TGFBI: variants seen among roughly 807,000 people sequenced by gnomAD.
TGFBI encodes transforming growth factor beta induced.
A neutral mutation model predicts 73.7 loss-of-function variants in TGFBI; 50 were observed. The observed-to-expected ratio is 0.68, with a 90% CI of 0.54 to 0.86. The LOEUF (loss-of-function observed/expected upper bound fraction) is 0.86, where lower values mean the gene tolerates loss of function less well. TGFBI is among the 40% of genes least tolerant of loss of function. The pLI, the probability that TGFBI is intolerant of heterozygous loss-of-function variation, is 0.00. For synonymous variants in TGFBI, 362 were observed against 360.5 expected, an observed-to-expected ratio of 1.00 and a Z score of -0.05; for missense variants, 839 against 877.0, an observed-to-expected ratio of 0.96 and a Z score of 0.55.
At chr5:136,060,503 G>A (rs970632605) in intron 13 of TGFBI, among the ~76,000 whole-genome samples, 6 of 152,202 alleles carry the variant, frequency 3.9e-5, no homozygotes, top group Admixed American at 2.0e-4. Flanking sequence ...CTGAGGTCAG[G>A]AGTTCAAGTC....
At chr5:136,043,008 A>G (rs1193443973) in intron 2 of TGFBI, among the ~76,000 whole-genome samples, 3 of 152,156 alleles carry the variant, frequency 2.0e-5, no homozygotes, top group Non-Finnish European at 4.4e-5. Context: ...TCCCACAGTG[A>G]GCAGTTCTGC....
chr5:136,062,574 G>C (rs1751766484), intron 15 of TGFBI, 89 bp from the exon 16 acceptor site: 1 of 1,364,808 alleles, frequency 7.3e-7, no homozygotes, highest in African/African-American at 1.4e-5. Context: ...TTTTTTCTGA[G>C]TAGGGGTGGC....
In TGFBI at chr5:136,029,168, G is replaced by A. The variant is rs1380269233; in HGVS notation, c.113G>A (p.Arg38Lys). ...TACCAGCTGGTGCTGCAGCACAGCA[G>A]GCTCCGGGGCCGCCAGCACGGGTAA... is the stretch of plus-strand genomic sequence containing the variant. The part of the protein sequence containing the change: ...SPYQLVLQHS[R>K]LRGRQHGPNV... Residue 38 changes from arginine (R) to lysine (K), a missense_variant, in exon 1 of 17, where the codon AGG (arginine) becomes AAG (lysine). Arg to Lys is a conservative substitution (Grantham distance 26). Coordinates refer to ENST00000442011, the MANE Select transcript of TGFBI (RefSeq NM_000358.3). 9 of 1,513,590 alleles carry A rather than the reference G, an allele frequency of 5.9e-6. No homozygotes were observed. Among genetic ancestry groups the A allele is most frequent in the East Asian group, 2.6e-5 (1 of 38,846 alleles). 93.8% of individuals were successfully genotyped at this position (1,513,590 alleles called of 1,614,324 possible).
chr5:136,046,531 G>T, intron 4 of TGFBI, 36 bp downstream of exon 4: 1 of 1,566,136 alleles, frequency 6.4e-7, no homozygotes, highest in Admixed American at 1.9e-5. Context: ...GGACTCTTAT[G>T]GGGAACTGCC....
At chr5:136,045,928 G>A (rs1321218475) in intron 3 of TGFBI, 3 of 156,840 alleles carry the variant, frequency 1.9e-5, no homozygotes, top group African/African-American at 7.2e-5. Context: ...CAGTACTTTG[G>A]AGATTTATAA....
intron 16 of TGFBI, 63 bp downstream of exon 16, chr5:136,062,750 C>A: frequency 1.3e-6 from 2 of 1,512,370 alleles, no homozygotes; most frequent in Non-Finnish European, 1.8e-6. Flanking sequence ...CAAGCAAGCC[C>A]AAGCCTGCCA....
chr5:136,036,452 A>G (rs145703036), intron 2 of TGFBI, among the ~76,000 whole-genome samples: 150 of 152,340 alleles, frequency 9.8e-4, no homozygotes, highest in African/African-American at 3.5e-3. Context: ...ATGTAGTATT[A>G]GGAAGGTGGA....
intron 1 of TGFBI, among the ~76,000 whole-genome samples, chr5:136,031,150 CT>C (rs916888605): frequency 7.9e-5 from 12 of 152,326 alleles, no homozygotes; most frequent in African/African-American, 2.9e-4. Flanking sequence ...AGGAGCACCC[CT>C]GTCCCAGTAG....
At position 136,055,723 on chromosome 5, in the gene TGFBI, G is replaced by A. The variant is rs539008520; in HGVS notation, c.1454G>A (p.Arg485Lys). Residue 485 changes from arginine to lysine, a missense_variant, in exon 11 of 17, where the codon AGG becomes AAG. Arg to Lys is a conservative substitution (Grantham distance 26). Coordinates refer to ENST00000442011, the MANE Select transcript of TGFBI (RefSeq NM_000358.3). Reference sequence around the variant, plus strand: ...AGCTGCATCGCGGCCCACGACAAGAGGGGGAGGTACGGGACCCTGTTCACG... The same window carrying A: ...AGCTGCATCGCGGCCCACGACAAGAAGGGGAGGTACGGGACCCTGTTCACG... ...ENSCIAAHDK[R>K]GRYGTLFTMD... 37 of 1,611,116 alleles carry A rather than the reference G, an allele frequency of 2.3e-5. No homozygotes were observed. Among genetic ancestry groups the A allele is most frequent in the South Asian group, 6.6e-5 (6 of 90,756 alleles).
intron 12 of TGFBI, chr5:136,058,783 G>A: frequency 3.7e-6 from 1 of 267,230 alleles, no homozygotes; most frequent in Admixed American, 4.8e-5. Flanking sequence ...TCACAGAGGA[G>A]TATGGATTAA....
chr5:136,035,597 C>T lies in TGFBI; in HGVS notation c.233+1736C>T, dbSNP rs544019359. ...CCAAGATCGTGCCACTGCAGTCCAG[C>T]CTGGGTGACAGAGTGAGACACCGTC... On this transcript the variant is annotated intron_variant, in intron 2 of 16. Transcript: ENST00000442011. 4.7e-5 allele frequency among the ~76,000 whole-genome samples: 7 copies of T among 149,188 alleles called. No individual in the cohort carries two copies. The South Asian group carries it at 1.5e-3, about 32-fold the overall frequency.
At chr5:136,052,818 G>T in intron 7 of TGFBI, 89 bp from the exon 8 acceptor site, 1 of 1,293,324 alleles carries the variant, frequency 7.7e-7, no homozygotes, top group Non-Finnish European at 1.1e-6. Context: ...TGAGAGAACA[G>T]GATCCTCACA....
chr5:136,063,400 C>T lies in TGFBI; in HGVS notation c.*174C>T, dbSNP rs1418120313. Reference sequence around the variant, plus strand: ...GTGGGGGAGGAGGGAGAGAGATGTACTTTTTAAATCATGTTCCCCCTAAAC... The same window carrying T: ...GTGGGGGAGGAGGGAGAGAGATGTATTTTTTAAATCATGTTCCCCCTAAAC... On this transcript the variant is annotated 3_prime_UTR_variant, in exon 17 of 17. Coordinates refer to ENST00000442011, the MANE Select transcript of TGFBI (RefSeq NM_000358.3). 1 of 622,796 alleles carries T rather than the reference C, an allele frequency of 1.6e-6. No homozygotes were observed. The highest frequency in any genetic ancestry group is 1.8e-5 in the African/African-American group (1 of 54,550). The allele number at this position is 622,796 out of a possible 1,614,324, so 38.6% of individuals were successfully genotyped here. A position where few individuals can be genotyped will look rare whatever the true frequency, so the allele number is the denominator to read the frequency against.
intron 1 of TGFBI, 45 bp downstream of exon 1, chr5:136,029,234 C>CG (rs996646365): frequency 7.0e-7 from 1 of 1,424,572 alleles, no homozygotes; most frequent in Admixed American, 2.7e-5. Context: ...GTCAGGTAGT[C>CG]GGGGCTCGGA....
chr5:136,046,790 G>T, intron 4 of TGFBI, 61 bp from the exon 5 acceptor site: 1 of 1,551,928 alleles, frequency 6.4e-7, no homozygotes. Context: ...AGAGTTGCAA[G>T]GACCCATCTC....
intron 2 of TGFBI, 95 bp downstream of exon 2, chr5:136,033,956 T>G (rs781757837): frequency 4.7e-6 from 5 of 1,056,726 alleles, no homozygotes; most frequent in Non-Finnish European, 7.2e-6. Context: ...TCAGGTTGCC[T>G]AAAAAGCCAT....
At chr5:136,044,032 C>T in intron 2 of TGFBI, 26 bp from the exon 3 acceptor site, 1 of 1,607,072 alleles carries the variant, frequency 6.2e-7, no homozygotes, top group South Asian at 1.1e-5. Flanking sequence ...CCCTGCCTAA[C>T]ACAATGTATG....
At position 136,046,966 on chromosome 5, in the gene TGFBI, C is replaced by A. The variant is rs1751440747; in HGVS notation, c.575C>A (p.Thr192Asn). The A allele has an allele frequency of 1.1e-5, 18 of 1,613,654 alleles. No individual in the cohort carries two copies. The highest frequency in any genetic ancestry group is 1.5e-5 in the Non-Finnish European group (18 of 1,179,858). ...GAGCTGAAACACGGCATGACCCTCACCTCTATGTACCAGAATTCCAACATC... is the reference window on the plus strand; with the variant it reads ...GAGCTGAAACACGGCATGACCCTCAACTCTATGTACCAGAATTCCAACATC... ...TDELKHGMTL[T>N]SMYQNSNIQI... is the part of the protein sequence containing the mutation. The change falls in exon 5 of 17, where the codon ACC (threonine) becomes AAC (asparagine). Residue 192 changes from threonine to asparagine, a missense_variant. Coordinates refer to ENST00000442011, the MANE Select transcript of TGFBI (RefSeq NM_000358.3).
chr5:136,052,056 G>C (rs1751545401), intron 7 of TGFBI, among the ~76,000 whole-genome samples: 1 of 151,944 alleles, frequency 6.6e-6, no homozygotes, highest in Admixed American at 6.5e-5. Context: ...CAGGCCACCT[G>C]CTCAGCCTGG....
Sources: allele counts gnomAD v4.1 joint callset (sites outside exome capture counted in the v4.1 genomes callset), GRCh38; gene constraint gnomAD v4.1.1; transcripts MANE v1.5; gene names NCBI Gene and HGNC (gene_info 2026-07-23, HGNC 2026-07-21).